Variants in CPS1 observed in about 807,000 individuals in gnomAD.
CPS1 encodes carbamoyl-phosphate synthase [ammonia], mitochondrial.
Under a neutral mutation model 174.6 loss-of-function variants are expected in CPS1, and 109 were observed. The observed-to-expected ratio is 0.62, with a 90% confidence interval of 0.53 to 0.73. The LOEUF is 0.73. Ranked by LOEUF, CPS1 falls within the 30% of genes least tolerant of loss-of-function variation. CPS1 has a pLI of 0.00. For missense variants in CPS1, 1,689 were observed against 1,821.9 expected (o/e 0.93, Z 1.33); for synonymous variants, 637 against 632.0 (o/e 1.01, Z -0.12).
chr2:210,516,180 C>T (rs1427021651), intron 1 of CPS1, among the ~76,000 whole-genome samples: 1 of 150,972 alleles, frequency 6.6e-6, no homozygotes, highest in Non-Finnish European at 1.5e-5. Flanking sequence ...TCTATGGTTG[C>T]TGGGTGGAGT....
chr2:210,478,928 TC>T (rs879265739), intron 1 of CPS1, among the ~76,000 whole-genome samples: 1 of 75,208 alleles, frequency 1.3e-5, no homozygotes, highest in East Asian at 4.4e-4. Context: ...CCTCCCCCCT[TC>T]CCCCCTCCCT....
intron 1 of CPS1, among the ~76,000 whole-genome samples, chr2:210,529,087 T>C (rs546358405): frequency 6.6e-6 from 1 of 151,894 alleles, no homozygotes; most frequent in South Asian, 2.1e-4. Context: ...ATAGTGAAAA[T>C]AGAACTGGGA....
intron 12 of CPS1, among the ~76,000 whole-genome samples, 171 bp from the exon 13 acceptor site, chr2:210,595,316 G>T (rs1006638488): frequency 3.3e-5 from 5 of 151,774 alleles, no homozygotes; most frequent in African/African-American, 1.2e-4. Context: ...TGAAATCAGA[G>T]ATGTTTTAAG....
chr2:210,670,519 G>C (rs926810398), intron 34 of CPS1, among the ~76,000 whole-genome samples: 5 of 152,010 alleles, frequency 3.3e-5, no homozygotes, highest in African/African-American at 1.2e-4. Context: ...CCATATTTTA[G>C]GATACATTGT....
chr2:210,495,759 A>G (rs1018461852), intron 1 of CPS1, among the ~76,000 whole-genome samples: 5 of 152,212 alleles, frequency 3.3e-5, no homozygotes, highest in Non-Finnish European at 5.9e-5. Flanking sequence ...GAAGAAAAGT[A>G]CTCAGTAGGC....
At chr2:210,634,981 T>A (rs1431585113) in intron 21 of CPS1, among the ~76,000 whole-genome samples, 1 of 152,158 alleles carries the variant, frequency 6.6e-6, no homozygotes, top group Non-Finnish European at 1.5e-5. Context: ...GGAGTCTCCG[T>A]TGTCTGAGCT....
Position 210,616,424 on chromosome 2 carries a change from C to T in CPS1, c.2570C>T (p.Ala857Val). Reference sequence around the variant, plus strand: ...AAGTATCTCTTCTCCTCTTGGCAGGCCATTGATGACAACATGTCCCTTGAT... The same window carrying T: ...AAGTATCTCTTCTCCTCTTGGCAGGTCATTGATGACAACATGTCCCTTGAT... ...SSTRIYAIAK[A>V]IDDNMSLDEI... The change falls in exon 21 of 38, where the codon GCC becomes GTC. Residue 857 changes from alanine (A) to valine (V), a missense_variant and splice_region_variant. Physicochemically the swap from Ala to Val is moderately conservative, Grantham distance 64 (BLOSUM62 0). Coordinates refer to ENST00000233072, the MANE Select transcript of CPS1 (RefSeq NM_001875.5). 1 of 1,600,880 alleles carries T rather than the reference C, an allele frequency of 6.2e-7. No individual in the cohort carries two copies. The highest frequency in any genetic ancestry group is 8.6e-7 in the Non-Finnish European group (1 of 1,168,562).
chr2:210,582,030 G>C (rs1243644682), intron 5 of CPS1, among the ~76,000 whole-genome samples: 1 of 152,178 alleles, frequency 6.6e-6, no homozygotes, highest in African/African-American at 2.4e-5. Context: ...AGGATAGTTT[G>C]TGAAAACTTT....
Position 210,590,900 on chromosome 2 carries a change from C to CCAA in CPS1, c.944_946dup (p.Asn315dup). The CCAA allele has an allele frequency of 6.2e-6, 10 of 1,610,372 alleles. No individual in the cohort carries two copies. The highest frequency in any genetic ancestry group is 8.5e-6 in the Non-Finnish European group (10 of 1,177,598). ...GCCAAAACCTACAAGATGTCCATGG[C>CCAA]CAACAGGTGAGGTATTTTCACTTTT... On this transcript the variant is annotated inframe_insertion, in exon 9 of 38. Coordinates refer to ENST00000233072, the MANE Select transcript of CPS1 (RefSeq NM_001875.5).
chr2:210,639,166 C>T lies in CPS1; in HGVS notation c.2846C>T (p.Ala949Val). 6.2e-7 allele frequency: 1 copy of T among 1,612,648 alleles called. No individual in the cohort carries two copies. Among genetic ancestry groups the T allele is most frequent in the Non-Finnish European group, 8.5e-7 (1 of 1,178,772 alleles). Residue 949 changes from alanine (A) to valine (V), a missense_variant, in exon 23 of 38, where the codon GCA (alanine) becomes GTA (valine). Coordinates refer to ENST00000233072, the MANE Select transcript of CPS1 (RefSeq NM_001875.5). ...PWVKQIDTLA[A>V]EYPSVTNYLY... ...CTCTTACAGATTGATACACTGGCTG[C>T]AGAATACCCATCAGTAACAAACTAT...
At chr2:210,548,233 A>G (rs929076090) in intron 1 of CPS1, among the ~76,000 whole-genome samples, 1 of 152,018 alleles carries the variant, frequency 6.6e-6, no homozygotes, top group African/African-American at 2.4e-5. Flanking sequence ...TCTAATCATC[A>G]TTTCACAAAA....
chr2:210,515,917 CA>C (rs1695672077), intron 1 of CPS1, among the ~76,000 whole-genome samples: 1 of 151,706 alleles, frequency 6.6e-6, no homozygotes, highest in South Asian at 2.1e-4. Flanking sequence ...TCATTTATTT[CA>C]AGGAAATTAA....
chr2:210,546,028 C>A (rs967498532), intron 1 of CPS1, among the ~76,000 whole-genome samples: 1 of 151,920 alleles, frequency 6.6e-6, no homozygotes, highest in African/African-American at 2.4e-5. Flanking sequence ...ATTTTTAGTT[C>A]TTTTTGTTAT....
intron 21 of CPS1, among the ~76,000 whole-genome samples, chr2:210,625,790 T>G (rs1451426578): frequency 6.6e-6 from 1 of 152,040 alleles, no homozygotes; most frequent in Non-Finnish European, 1.5e-5. Context: ...AAACACATAG[T>G]GAGAAACAGG....
intron 1 of CPS1, among the ~76,000 whole-genome samples, chr2:210,571,834 G>A (rs1309947402): frequency 6.7e-6 from 1 of 150,154 alleles, no homozygotes; most frequent in Non-Finnish European, 1.5e-5. Flanking sequence ...CATTTATGGA[G>A]TTCCTGCTGC....
intron 16 of CPS1, chr2:210,604,832 TC>T (rs1369869474): frequency 2.4e-6 from 1 of 413,766 alleles, no homozygotes; most frequent in Non-Finnish European, 4.5e-6. Context: ...AATTATTTTC[TC>T]TTTTTCCTAA....
chr2:210,569,672 G>A (rs1260904620), intron 1 of CPS1, among the ~76,000 whole-genome samples: 1 of 152,016 alleles, frequency 6.6e-6, no homozygotes, highest in Non-Finnish European at 1.5e-5. Context: ...TTCAGTGTCT[G>A]AGACTTGAAT....
At chr2:210,519,136 T>C (rs907657866) in intron 1 of CPS1, among the ~76,000 whole-genome samples, 1 of 152,034 alleles carries the variant, frequency 6.6e-6, no homozygotes, top group Non-Finnish European at 1.5e-5. Context: ...TTCCTTGCTC[T>C]TTGTATAACT....
At chr2:210,493,221 C>T (rs1694912937) in intron 1 of CPS1, among the ~76,000 whole-genome samples, 1 of 152,162 alleles carries the variant, frequency 6.6e-6, no homozygotes, top group Non-Finnish European at 1.5e-5. Flanking sequence ...GTTGGGTTCT[C>T]AGCTCATCTT....
Sources: allele counts gnomAD v4.1 joint callset (sites outside exome capture counted in the v4.1 genomes callset), GRCh38; gene constraint gnomAD v4.1.1; transcripts MANE v1.5; gene names NCBI Gene and HGNC (gene_info 2026-07-23, HGNC 2026-07-21).